Variants in CAPZA2 observed in about 807,000 individuals in gnomAD.
CAPZA2 encodes F-actin-capping protein subunit alpha-2.
Under a neutral mutation model 44.0 loss-of-function variants are expected in CAPZA2, and 13 were observed. The observed-to-expected ratio is 0.30, with a 90% confidence interval of 0.19 to 0.47. The LOEUF (loss-of-function observed/expected upper bound fraction) is 0.47, where lower values mean the gene tolerates loss of function less well. CAPZA2 is among the 20% of genes least tolerant of loss of function. The pLI is 1.00. For synonymous variants in CAPZA2, 94 were observed against 108.2 expected (o/e 0.87, Z 0.81); for missense variants, 244 against 338.6 (o/e 0.72, Z 2.19).
At chr7:116,876,897 GGAGGCAGACTTTAGTAAGTATCAA>G (rs1796629826) in intron 1 of CAPZA2, among the ~76,000 whole-genome samples, 1 of 152,214 alleles carries the variant, frequency 6.6e-6, no homozygotes, top group Non-Finnish European at 1.5e-5. Context: ...AGGGGCTGTA[GGAGGCAGACTTTAGTAAGTATCAA>G]GAGGGTGGAG....
At chr7:116,908,152 T>G (rs1791542110) in intron 6 of CAPZA2, among the ~76,000 whole-genome samples, 1 of 151,622 alleles carries the variant, frequency 6.6e-6, no homozygotes, top group Non-Finnish European at 1.5e-5. Context: ...TCCTAGCTAC[T>G]TGGGAGGCTG....
At chr7:116,899,818 T>G (rs1274800145) in intron 4 of CAPZA2, among the ~76,000 whole-genome samples, 3 of 151,674 alleles carry the variant, frequency 2.0e-5, no homozygotes, top group African/African-American at 7.2e-5. Flanking sequence ...TTTATGAACC[T>G]AGTGTAATTT....
At chr7:116,903,081 G>A (rs967135643) in intron 4 of CAPZA2, among the ~76,000 whole-genome samples, 5 of 152,168 alleles carry the variant, frequency 3.3e-5, no homozygotes, top group African/African-American at 1.2e-4. Flanking sequence ...TAAAGAGATG[G>A]CACATCAGTA....
chr7:116,901,919 GTATA>G (rs1333321043), intron 4 of CAPZA2, among the ~76,000 whole-genome samples: 1 of 145,650 alleles, frequency 6.9e-6, no homozygotes, highest in Non-Finnish European at 1.5e-5. Context: ...GTGTATGTGT[GTATA>G]TATATATATG....
intron 1 of CAPZA2, chr7:116,880,117 G>T: frequency 2.1e-6 from 1 of 469,758 alleles, no homozygotes. Context: ...GGCCTGGAAA[G>T]TTGGCCAATT....
At chr7:116,866,084 A>G (rs1463666876) in intron 1 of CAPZA2, among the ~76,000 whole-genome samples, 1 of 152,132 alleles carries the variant, frequency 6.6e-6, no homozygotes, top group Non-Finnish European at 1.5e-5. Context: ...AAGTTTAATA[A>G]CCTTTTCTCC....
At chr7:116,898,675 TAGG>T (rs1339390186) in intron 3 of CAPZA2, 94 bp from the exon 4 acceptor site, 2 of 680,906 alleles carry the variant, frequency 2.9e-6, no homozygotes, top group East Asian at 2.8e-5. Context: ...GTGTGCAATG[TAGG>T]AGGAGACTTT....
intron 9 of CAPZA2, among the ~76,000 whole-genome samples, chr7:116,916,520 G>A (rs775407706): frequency 3.3e-5 from 5 of 152,168 alleles, no homozygotes; most frequent in Non-Finnish European, 5.9e-5. Flanking sequence ...GTGCTACTCG[G>A]GAGGCTGAGG....
At chr7:116,862,916 GGCGGGCGGGGGC>G (rs1048835713) in intron 1 of CAPZA2, among the ~76,000 whole-genome samples, 1 of 151,852 alleles carries the variant, frequency 6.6e-6, no homozygotes, top group African/African-American at 2.4e-5. Flanking sequence ...GCCGGGCGAC[GGCGGGCGGGGGC>G]GCGGGCGCGG....
intron 3 of CAPZA2, among the ~76,000 whole-genome samples, chr7:116,894,814 T>C (rs1796903444): frequency 6.6e-6 from 1 of 152,204 alleles, no homozygotes; most frequent in Non-Finnish European, 1.5e-5. Context: ...ATCCATATTG[T>C]AGCATGTGTC....
chr7:116,880,714 TTTTTTTTTTTTTTTTTTTTTG>T, intron 1 of CAPZA2, among the ~76,000 whole-genome samples: 1 of 93,984 alleles, frequency 1.1e-5, no homozygotes, highest in African/African-American at 4.8e-5. Flanking sequence ...TTTTTTTTTT[TTTTTTTTTTTTTTTTTTTTTG>T]AGACAGTCTT....
At chr7:116,870,830 G>C (rs539299441) in intron 1 of CAPZA2, among the ~76,000 whole-genome samples, 7 of 152,354 alleles carry the variant, frequency 4.6e-5, no homozygotes, top group Admixed American at 6.5e-5. Context: ...GGGGAAAGGC[G>C]TGAGTCAGAG....
chr7:116,869,759 C>T (rs1796526939), intron 1 of CAPZA2, among the ~76,000 whole-genome samples: 1 of 152,246 alleles, frequency 6.6e-6, no homozygotes, highest in South Asian at 2.1e-4. Flanking sequence ...GAGCCCTGCT[C>T]AGGGAAGTAA....
intron 1 of CAPZA2, among the ~76,000 whole-genome samples, chr7:116,881,651 A>G (rs1009213410): frequency 2.0e-5 from 3 of 149,098 alleles, no homozygotes; most frequent in African/African-American, 7.4e-5. Flanking sequence ...AGGCAGGAGA[A>G]TGGCATGAAC....
intron 2 of CAPZA2, among the ~76,000 whole-genome samples, chr7:116,889,437 T>C (rs538757892): frequency 7.2e-5 from 11 of 152,084 alleles, no homozygotes; most frequent in African/African-American, 1.9e-4. Flanking sequence ...GTATAAGATA[T>C]AGGACTGGGC....
At chr7:116,891,545 TC>T (rs1486370239) in intron 2 of CAPZA2, among the ~76,000 whole-genome samples, 3 of 152,220 alleles carry the variant, frequency 2.0e-5, no homozygotes, top group African/African-American at 7.2e-5. Flanking sequence ...GGAGTCTCGC[TC>T]TGTTGCCCAG....
At chr7:116,881,269 C>A (rs145136062) in intron 1 of CAPZA2, among the ~76,000 whole-genome samples, 2 of 152,112 alleles carry the variant, frequency 1.3e-5, no homozygotes, top group East Asian at 3.9e-4. Context: ...AGAGCCCTAT[C>A]GCACATCAGA....
chr7:116,868,822 T>G (rs1357600432), intron 1 of CAPZA2, among the ~76,000 whole-genome samples: 5 of 152,224 alleles, frequency 3.3e-5, no homozygotes, highest in Non-Finnish European at 1.5e-5. Flanking sequence ...CTAATTCTAT[T>G]CTATAGATAA....
chr7:116,911,838 G>T (rs1374936191), intron 7 of CAPZA2, among the ~76,000 whole-genome samples: 1 of 152,220 alleles, frequency 6.6e-6, no homozygotes, highest in Admixed American at 6.5e-5. Context: ...ATGTCCAGCA[G>T]TCAGGTCAAT....
Sources: gnomAD v4.1 joint callset for allele counts (sites outside exome capture counted in the v4.1 genomes callset) on GRCh38, gnomAD v4.1.1 for gene constraint, MANE v1.5 for transcripts, NCBI Gene and HGNC (gene_info 2026-07-23, HGNC 2026-07-21) for gene names.